The following SGMS1 variants were observed in gnomAD, a reference collection of about 807,000 sequenced individuals.
SGMS1 encodes phosphatidylcholine:ceramide cholinephosphotransferase 1.
SGMS1 carries 13 observed loss-of-function variants against 46.2 expected under a neutral mutation model. The ratio of observed to expected loss-of-function variants is 0.28; its 90% confidence interval spans 0.18 to 0.45. SGMS1 has a LOEUF of 0.45. Ranked by LOEUF, SGMS1 falls within the 20% of genes least tolerant of loss-of-function variation. The pLI is 1.00. For synonymous variants in SGMS1, 203 were observed against 187.8 expected (o/e 1.08, Z -0.66); for missense variants, 324 against 519.9 (o/e 0.62, Z 3.66).
intron 6 of SGMS1, among the ~76,000 whole-genome samples, chr10:50,355,469 T>C (rs1848127300): frequency 2.0e-5 from 3 of 152,226 alleles, no homozygotes; most frequent in Non-Finnish European, 4.4e-5. Flanking sequence ...GAGACAGGGT[T>C]TCGCCGTGTT....
chr10:50,360,975 T>C (rs1194954801), intron 6 of SGMS1, among the ~76,000 whole-genome samples: 1 of 152,218 alleles, frequency 6.6e-6, no homozygotes. Context: ...TAAGAATCTT[T>C]GATGCCATAT....
intron 2 of SGMS1, among the ~76,000 whole-genome samples, chr10:50,561,985 C>G (rs1394976475): frequency 6.6e-6 from 1 of 152,064 alleles, no homozygotes; most frequent in Non-Finnish European, 1.5e-5. Flanking sequence ...CATCTGGGTT[C>G]AGAACATTTT....
At chr10:50,383,543 A>G (rs753105413) in intron 6 of SGMS1, among the ~76,000 whole-genome samples, 3 of 152,162 alleles carry the variant, frequency 2.0e-5, no homozygotes, top group Non-Finnish European at 4.4e-5. Context: ...AAAAAGAGAT[A>G]AACATGACCT....
chr10:50,552,608 G>A (rs950395357), intron 2 of SGMS1, among the ~76,000 whole-genome samples: 2 of 152,144 alleles, frequency 1.3e-5, no homozygotes, highest in African/African-American at 4.8e-5. Flanking sequence ...AATTGTTGAC[G>A]TTAAGCATAC....
intron 8 of SGMS1, among the ~76,000 whole-genome samples, chr10:50,324,908 G>A (rs980812725): frequency 2.0e-5 from 3 of 152,142 alleles, no homozygotes; most frequent in Middle Eastern, 3.2e-3. Flanking sequence ...AGACTTAAAA[G>A]ACAGAACAAG....
At chr10:50,497,667 G>A (rs1055465492) in intron 3 of SGMS1, among the ~76,000 whole-genome samples, 3 of 152,096 alleles carry the variant, frequency 2.0e-5, no homozygotes, top group African/African-American at 7.2e-5. Flanking sequence ...GGTGGTGCAT[G>A]CCTGTAATCC....
chr10:50,475,631 G>A (rs972860432), intron 3 of SGMS1, among the ~76,000 whole-genome samples: 2 of 152,088 alleles, frequency 1.3e-5, no homozygotes, highest in African/African-American at 2.4e-5. Context: ...TACAATTTTG[G>A]ACGTGGGGCC....
chr10:50,624,043 GGGGCGGGCCGGCC>G (rs1322787099), upstream of SGMS1: 24 of 985,370 alleles, frequency 2.4e-5, no homozygotes, highest in Non-Finnish European at 2.9e-5. Flanking sequence ...TGCGGCCGGG[GGGGCGGGCCGGCC>G]GGGCGGGGTC....
chr10:50,411,290 G>T lies in SGMS1; in HGVS notation c.-232+22186C>A, dbSNP rs140314113. Among the ~76,000 whole-genome samples, 514 of 152,324 alleles carry T rather than the reference G, an allele frequency of 3.4e-3. 1 individual carries two copies. The highest frequency in any genetic ancestry group is 0.012 in the African/African-American group (493 of 41,574). On this transcript the variant is annotated intron_variant, in intron 6 of 10. Coordinates refer to ENST00000361781, the MANE Select transcript of SGMS1 (RefSeq NM_147156.4). ...CTAATAGACCTATGGTGTGGATAATGAGGCATATTGTTCCACTCCACCTTG... is the reference window on the plus strand; with the variant it reads ...CTAATAGACCTATGGTGTGGATAATTAGGCATATTGTTCCACTCCACCTTG...
rs569270842 is a variant in SGMS1, at chr10:50,348,305, T to C, written c.-231-3960A>G. On this transcript the variant is annotated intron_variant, in intron 6 of 10. Coordinates refer to ENST00000361781, the MANE Select transcript of SGMS1 (RefSeq NM_147156.4). ...CCTATTCAACATAGTATTGGAGTCC[T>C]ATAGGAAAAGGGCAATAAGGCAAGA... Among the ~76,000 whole-genome samples, 7 of 152,234 alleles carry C rather than the reference T, an allele frequency of 4.6e-5. No homozygotes were observed. In the East Asian group the frequency reaches 1.4e-3, roughly 29 times the overall value.
chr10:50,493,845 T>A (rs991927405), intron 3 of SGMS1, among the ~76,000 whole-genome samples: 29 of 152,366 alleles, frequency 1.9e-4, no homozygotes, highest in African/African-American at 6.7e-4. Context: ...TTGCCCAGGC[T>A]GGAGTGCGAT....
At chr10:50,477,726 T>C (rs1205416214) in intron 3 of SGMS1, among the ~76,000 whole-genome samples, 1 of 152,170 alleles carries the variant, frequency 6.6e-6, no homozygotes, top group African/African-American at 2.4e-5. Flanking sequence ...TGTCTCATGA[T>C]AGAGTTCTCA....
rs951520553 is a variant in SGMS1 at position 50,356,576 on chromosome 10, TA to T, written c.-231-12232del. 4.0e-5 allele frequency among the ~76,000 whole-genome samples: 6 copies of T among 150,534 alleles called. 1 individual carries two copies. In the South Asian group the frequency reaches 1.3e-3, roughly 33 times the overall value. ...AATGATCAATAAATACTAAAAAAAT[TA>T]AAAAAAAATTTATTGTATGTTAATT... is the stretch of plus-strand genomic sequence containing the variant. On this transcript the variant is annotated intron_variant, in intron 6 of 10. Coordinates refer to ENST00000361781, the MANE Select transcript of SGMS1 (RefSeq NM_147156.4).
chr10:50,568,315 G>C (rs557101167), intron 2 of SGMS1, among the ~76,000 whole-genome samples: 12 of 152,282 alleles, frequency 7.9e-5, no homozygotes, highest in African/African-American at 2.4e-4. Context: ...CTTGGTAAAT[G>C]CATGAATGCT....
chr10:50,396,925 T>C (rs1848856512), intron 6 of SGMS1, among the ~76,000 whole-genome samples: 1 of 152,106 alleles, frequency 6.6e-6, no homozygotes, highest in African/African-American at 2.4e-5. Context: ...ACCGGCGGTG[T>C]TACTTGAAGA....
chr10:50,403,767 AT>A (rs2133548063), intron 6 of SGMS1, among the ~76,000 whole-genome samples: 1 of 148,992 alleles, frequency 6.7e-6, no homozygotes, highest in East Asian at 2.0e-4. Context: ...CTTAAGAATA[AT>A]TTTGCTGTAA....
chr10:50,565,136 A>G (rs996315393), intron 2 of SGMS1, among the ~76,000 whole-genome samples: 5 of 152,172 alleles, frequency 3.3e-5, no homozygotes, highest in Non-Finnish European at 7.3e-5. Flanking sequence ...CAAGCAAGAT[A>G]TTTACATATC....
chr10:50,365,109 C>T (rs1392430255), intron 6 of SGMS1, among the ~76,000 whole-genome samples: 2 of 151,718 alleles, frequency 1.3e-5, no homozygotes, highest in East Asian at 3.9e-4. Flanking sequence ...ACTAAAAATA[C>T]AAAAATTAGC....
At chr10:50,403,190 C>T (rs939521110) in intron 6 of SGMS1, among the ~76,000 whole-genome samples, 1 of 152,156 alleles carries the variant, frequency 6.6e-6, no homozygotes, top group African/African-American at 2.4e-5. Flanking sequence ...AAAGAACAGA[C>T]ATGATTATTA....
Sources: allele counts gnomAD v4.1 joint callset (sites outside exome capture counted in the v4.1 genomes callset), GRCh38; gene constraint gnomAD v4.1.1; transcripts MANE v1.5; gene names NCBI Gene and HGNC (gene_info 2026-07-23, HGNC 2026-07-21).